EML5: variants seen among roughly 807,000 people sequenced by gnomAD.
The protein encoded by EML5 is echinoderm microtubule-associated protein-like 5.
EML5 carries 120 observed loss-of-function variants against 250.0 expected under a neutral mutation model. That is an observed-to-expected ratio of 0.48 (90% CI 0.41 to 0.56). The LOEUF is 0.56. EML5 is among the 20% of genes least tolerant of loss of function. The pLI, the probability that EML5 is intolerant of heterozygous loss-of-function variation, is 0.00. For synonymous variants in EML5, 771 were observed against 806.5 expected (o/e 0.96, Z 0.75); for missense variants, 2,006 against 2,437.6 (o/e 0.82, Z 3.73).
At chr14:88,748,402 G>A (rs1025369558) in intron 2 of EML5, among the ~76,000 whole-genome samples, 3 of 152,158 alleles carry the variant, frequency 2.0e-5, no homozygotes, top group African/African-American at 7.2e-5. Flanking sequence ...CTGAGGTCAG[G>A]AGGAGAGTGT....
At chr14:88,751,314 T>C (rs1029553642) in intron 2 of EML5, among the ~76,000 whole-genome samples, 11 of 152,236 alleles carry the variant, frequency 7.2e-5, no homozygotes, top group African/African-American at 2.4e-4. Context: ...CTTAATCCAT[T>C]AATTGGAAGA....
At chr14:88,666,948 T>A (rs551115254) in intron 21 of EML5, among the ~76,000 whole-genome samples, 2 of 152,292 alleles carry the variant, frequency 1.3e-5, no homozygotes, top group South Asian at 4.1e-4. Context: ...GATGATGACC[T>A]GGAGCTGGGT....
chr14:88,756,537 A>G lies in EML5; in HGVS notation c.198-1866T>C, dbSNP rs74335777. 1.0e-2 allele frequency among the ~76,000 whole-genome samples: 1,519 copies of G among 152,266 alleles called. 24 individuals are homozygous for G. The highest frequency in any genetic ancestry group is 0.035 in the African/African-American group (1,457 of 41,560). The stretch of plus-strand genomic sequence containing the variant: ...GGAAAAGGAACAAAAAGTAAAAGTA[A>G]AGATCTCTATTGGCAGATGATATGA... On this transcript the variant is annotated intron_variant, in intron 1 of 43. Coordinates refer to ENST00000554922, the MANE Select transcript of EML5 (RefSeq NM_183387.3).
At position 88,726,529 on chromosome 14, in the gene EML5, C is replaced by T. The variant is rs944049931; in HGVS notation, c.1187+12G>A. 3 of 1,599,378 alleles carry T rather than the reference C, an allele frequency of 1.9e-6. No homozygotes were observed. The highest frequency in any genetic ancestry group is 2.6e-6 in the Non-Finnish European group (3 of 1,172,798). On this transcript the variant is annotated intron_variant, in intron 8 of 43. Transcript: ENST00000554922. ...GATAAAATTATTATGTGTTTCTACC[C>T]TAATACCATACCTTACTCTAAGTAC...
chr14:88,752,128 A>G (rs1184345405), intron 2 of EML5, among the ~76,000 whole-genome samples: 2 of 152,190 alleles, frequency 1.3e-5, no homozygotes, highest in East Asian at 1.9e-4. Flanking sequence ...GACTTTTCCT[A>G]TAAGTTGCTC....
At chr14:88,706,233 CTGTT>C (rs1419861384) in intron 11 of EML5, 22 bp downstream of exon 11, 1 of 1,534,556 alleles carries the variant, frequency 6.5e-7, no homozygotes, top group Non-Finnish European at 8.7e-7. Flanking sequence ...GACAGGGAAA[CTGTT>C]TAGCTAATGC....
chr14:88,644,389 C>A (rs757082854), intron 30 of EML5, 44 bp downstream of exon 30: 1 of 1,578,474 alleles, frequency 6.3e-7, no homozygotes, highest in African/African-American at 1.4e-5. Flanking sequence ...TAAAAAAGAA[C>A]TCTGGATACA....
chr14:88,726,701 T>A (rs548223660), intron 7 of EML5, 23 bp from the exon 8 acceptor site: 14 of 1,500,500 alleles, frequency 9.3e-6, no homozygotes, highest in African/African-American at 8.4e-5. Flanking sequence ...ATTTAAAAAA[T>A]AAAAAAGGTT....
chr14:88,789,339 A>C (rs1206605580), intron 1 of EML5, among the ~76,000 whole-genome samples: 4 of 152,232 alleles, frequency 2.6e-5, no homozygotes, highest in African/African-American at 4.8e-5. Context: ...TGACATTGAA[A>C]CTAATTGCCA....
At chr14:88,690,051 G>A (rs2092922392) in intron 17 of EML5, among the ~76,000 whole-genome samples, 1 of 152,198 alleles carries the variant, frequency 6.6e-6, no homozygotes, top group Non-Finnish European at 1.5e-5. Flanking sequence ...AGCAAGCCAT[G>A]CTAGAAGAGT....
At chr14:88,681,826 T>C in intron 21 of EML5, 64 bp downstream of exon 21, 1 of 1,491,224 alleles carries the variant, frequency 6.7e-7, no homozygotes, top group Non-Finnish European at 8.9e-7. Context: ...TTTGCTTTCT[T>C]ATATTTGTAA....
In EML5 at chr14:88,620,225, C is replaced by G. The variant is rs963720550; in HGVS notation, c.5375+529G>C. 1.3e-5 allele frequency: 2 copies of G among 152,144 alleles called. No individual in the cohort carries two copies. The highest frequency in any genetic ancestry group is 4.8e-5 in the African/African-American group (2 of 41,404). 9.4% of individuals were successfully genotyped at this position (152,144 alleles called of 1,614,324 possible). ...TCAATAATCTTATCTACTGATCACA[C>G]GGAAGTACTCCGTAAATGGTAGCCA... On this transcript the variant is annotated intron_variant, in intron 39 of 43. Coordinates refer to ENST00000554922, the MANE Select transcript of EML5 (RefSeq NM_183387.3). The surrounding 1 kb of genome is among the most constrained non-coding windows in gnomAD (Gnocchi z 4.3).
At chr14:88,752,512 T>C (rs1268110208) in intron 2 of EML5, among the ~76,000 whole-genome samples, 2 of 152,128 alleles carry the variant, frequency 1.3e-5, no homozygotes, top group African/African-American at 4.8e-5. Context: ...TGCTATATGG[T>C]GATATAAACC....
rs1282061808 is a variant in EML5 at position 88,624,880 on chromosome 14, G to A, written c.4898+90C>T. On this transcript the variant is annotated intron_variant, in intron 36 of 43. Transcript: ENST00000554922. The stretch of plus-strand genomic sequence containing the variant: ...GGAGGAAGGTCGGAGAGGACACTCT[G>A]TGTAGCCTAGAAACAACTAGAATAA... 9 of 1,453,548 alleles carry A rather than the reference G, an allele frequency of 6.2e-6. No homozygotes were observed. The African/African-American group carries it at 1.1e-4, about 18-fold the overall frequency. The allele number at this position is 1,453,548 out of a possible 1,614,324, so 90.0% of individuals were successfully genotyped here.
chr14:88,650,408 C>T (rs1428107188), intron 27 of EML5, among the ~76,000 whole-genome samples: 4 of 152,020 alleles, frequency 2.6e-5, no homozygotes, highest in South Asian at 2.1e-4. Context: ...GAGCCAAAAT[C>T]GTGCCACTGC....
intron 2 of EML5, among the ~76,000 whole-genome samples, chr14:88,750,864 G>A (rs555021762): frequency 6.6e-6 from 1 of 152,296 alleles, no homozygotes; most frequent in African/African-American, 2.4e-5. Flanking sequence ...TCTACCTCTT[G>A]CTATCAGAAT....
chr14:88,784,750 A>G (rs2094533457), intron 1 of EML5, among the ~76,000 whole-genome samples: 1 of 152,212 alleles, frequency 6.6e-6, no homozygotes, highest in Admixed American at 6.5e-5. Flanking sequence ...TGGAGAATGT[A>G]AATTTGTACA....
chr14:88,747,659 T>C (rs543430574), intron 2 of EML5, among the ~76,000 whole-genome samples: 37 of 152,078 alleles, frequency 2.4e-4, no homozygotes, highest in Non-Finnish European at 4.7e-4. Context: ...TACGAGACTA[T>C]AAAAAGTATC....
At chr14:88,671,248 C>T (rs747794160) in intron 21 of EML5, among the ~76,000 whole-genome samples, 3 of 152,150 alleles carry the variant, frequency 2.0e-5, no homozygotes, top group Non-Finnish European at 4.4e-5. Context: ...CACTAGGGGC[C>T]AATATTCAAC....
Sources: allele counts gnomAD v4.1 joint callset (sites outside exome capture counted in the v4.1 genomes callset), GRCh38; gene constraint gnomAD v4.1.1; non-coding constraint Gnocchi (gnomAD v3.1); transcripts MANE v1.5; gene names NCBI Gene and HGNC (gene_info 2026-07-23, HGNC 2026-07-21).